The following STK38 variants were observed in gnomAD, a reference collection of about 807,000 sequenced individuals.
STK38 encodes serine/threonine-protein kinase 38.
A neutral mutation model predicts 59.0 loss-of-function variants in STK38; 26 were observed. The ratio of observed to expected loss-of-function variants is 0.44; its 90% CI spans 0.32 to 0.61. The LOEUF (loss-of-function observed/expected upper bound fraction) is 0.61. Ranked by LOEUF, STK38 falls within the 20% of genes least tolerant of loss-of-function variation. The probability of loss-of-function intolerance (pLI) is 0.04; values close to 1 mark genes in which losing one functional copy is unlikely to be tolerated. For missense variants in STK38, 433 were observed against 566.0 expected (o/e 0.76, Z 2.38); for synonymous variants, 175 against 176.6 (o/e 0.99, Z 0.07).
chr6:36,508,329 T>C (rs1371397997), intron 7 of STK38, among the ~76,000 whole-genome samples: 1 of 152,212 alleles, frequency 6.6e-6, no homozygotes, highest in African/African-American at 2.4e-5. Context: ...GTGCATTCCA[T>C]TTTCAATTCT....
chr6:36,532,150 G>A (rs910954510), intron 2 of STK38, among the ~76,000 whole-genome samples: 3 of 151,662 alleles, frequency 2.0e-5, no homozygotes, highest in Admixed American at 2.0e-4. Flanking sequence ...CATCAAAAAG[G>A]TTGCAAACTC....
At chr6:36,495,945 C>T in intron 13 of STK38, 31 bp from the exon 14 acceptor site, 1 of 1,612,230 alleles carries the variant, frequency 6.2e-7, no homozygotes, top group South Asian at 1.1e-5. Context: ...AGAGTTGATT[C>T]ACTGCCTTGC....
At chr6:36,510,011 C>T (rs768495721) in intron 7 of STK38, among the ~76,000 whole-genome samples, 6 of 152,188 alleles carry the variant, frequency 3.9e-5, no homozygotes, top group African/African-American at 7.2e-5. Context: ...GAAAAACCAC[C>T]GCAAGTTCTT....
intron 7 of STK38, among the ~76,000 whole-genome samples, chr6:36,514,346 C>A (rs1777195092): frequency 6.7e-6 from 1 of 149,564 alleles, no homozygotes. Flanking sequence ...TTTTCAAGGA[C>A]AGCAAAGCAA....
chr6:36,526,220 GTT>G (rs60509165), intron 2 of STK38, among the ~76,000 whole-genome samples: 9,032 of 130,372 alleles, frequency 0.069, 567 homozygotes, highest in Admixed American at 0.17. Flanking sequence ...GGTTTTGGGT[GTT>G]TTTTTTTTTT....
intron 1 of STK38, among the ~76,000 whole-genome samples, chr6:36,546,068 T>C (rs1413037467): frequency 6.6e-6 from 1 of 152,260 alleles, no homozygotes; most frequent in Admixed American, 6.5e-5. Context: ...CTAAGATTAT[T>C]GCTTAAGTCG....
intron 5 of STK38, among the ~76,000 whole-genome samples, chr6:36,519,997 T>G (rs1246973904): frequency 7.9e-5 from 12 of 152,174 alleles, no homozygotes; most frequent in African/African-American, 2.9e-4. Flanking sequence ...AAAAAACAAT[T>G]TTGCCTCTGT....
At chr6:36,542,177 A>C (rs1243091097) in intron 1 of STK38, among the ~76,000 whole-genome samples, 2 of 152,152 alleles carry the variant, frequency 1.3e-5, no homozygotes, top group Non-Finnish European at 2.9e-5. Context: ...TACTGTTACC[A>C]ATAACTTTTT....
intron 1 of STK38, among the ~76,000 whole-genome samples, chr6:36,542,740 T>C (rs953850362): frequency 6.6e-6 from 1 of 151,622 alleles, no homozygotes; most frequent in East Asian, 1.9e-4. Flanking sequence ...AGGTCAGGAG[T>C]TGGGAGACTA....
chr6:36,545,703 A>G (rs1778040084), intron 1 of STK38, among the ~76,000 whole-genome samples: 1 of 152,172 alleles, frequency 6.6e-6, no homozygotes. Context: ...GCTTTCCACA[A>G]TTCAAGCCTT....
At chr6:36,543,832 C>A (rs1778000464) in intron 1 of STK38, among the ~76,000 whole-genome samples, 2 of 152,094 alleles carry the variant, frequency 1.3e-5, no homozygotes, top group South Asian at 4.1e-4. Flanking sequence ...CGGGGTTTCA[C>A]TATGTTGGCC....
intron 9 of STK38, among the ~76,000 whole-genome samples, chr6:36,501,407 T>A (rs1776835739): frequency 6.6e-6 from 1 of 152,180 alleles, no homozygotes; most frequent in African/African-American, 2.4e-5. Flanking sequence ...ATTATATAAT[T>A]TTTTAAATTA....
At chr6:36,539,293 C>T (rs1473375089) in intron 2 of STK38, among the ~76,000 whole-genome samples, 6 of 149,836 alleles carry the variant, frequency 4.0e-5, no homozygotes, top group South Asian at 2.1e-4. Context: ...GGCTGAGGCA[C>T]GAGAACCGCT....
intron 3 of STK38, 38 bp downstream of exon 3, chr6:36,525,553 C>T (rs6927896): frequency 0.21 from 340,582 of 1,594,782 alleles, 40,281 homozygotes; most frequent in African/African-American, 0.44. Flanking sequence ...CAACCTGCCA[C>T]GCTGGGTTTT....
intron 2 of STK38, among the ~76,000 whole-genome samples, chr6:36,527,037 C>A (rs1336302097): frequency 6.6e-6 from 1 of 151,100 alleles, no homozygotes; most frequent in Non-Finnish European, 1.5e-5. Context: ...ACTAAAAATA[C>A]AAAAATCAGC....
intron 12 of STK38, 98 bp downstream of exon 12, chr6:36,497,682 T>C: frequency 1.1e-6 from 1 of 930,542 alleles, no homozygotes; most frequent in Non-Finnish European, 1.7e-6. Flanking sequence ...AGAAGCTCTC[T>C]TCCCTTACTT....
chr6:36,518,670 G>T (rs1274315781), intron 5 of STK38, among the ~76,000 whole-genome samples: 1 of 152,088 alleles, frequency 6.6e-6, no homozygotes, highest in Non-Finnish European at 1.5e-5. Flanking sequence ...TGATCCTCCT[G>T]CCTCAGCCTC....
At chr6:36,527,207 A>AAAAAAAAAAAATAT (rs60162863) in intron 2 of STK38, among the ~76,000 whole-genome samples, 1 of 119,356 alleles carries the variant, frequency 8.4e-6, no homozygotes, top group African/African-American at 3.5e-5. Flanking sequence ...AAAAAAAAAA[A>AAAAAAAAAAAATAT]ATATATGTAT....
intron 7 of STK38, among the ~76,000 whole-genome samples, chr6:36,510,698 A>G (rs1005257986): frequency 6.6e-6 from 1 of 152,234 alleles, no homozygotes; most frequent in African/African-American, 2.4e-5. Context: ...CACACCTTCT[A>G]TGAGTCAGGC....
Sources: gnomAD v4.1 joint callset for allele counts (sites outside exome capture counted in the v4.1 genomes callset) on GRCh38, gnomAD v4.1.1 for gene constraint, MANE v1.5 for transcripts, NCBI Gene and HGNC (gene_info 2026-07-23, HGNC 2026-07-21) for gene names.